PEX7: variants seen among roughly 807,000 people sequenced by gnomAD.
PEX7 encodes the protein peroxisomal biogenesis factor 7.
Under a neutral mutation model 47.5 loss-of-function variants are expected in PEX7, and 34 were observed. The observed-to-expected ratio is 0.72, with a 90% CI of 0.54 to 0.95. PEX7 has a LOEUF of 0.95. Among genes scored for constraint, PEX7 ranks in the 40% least tolerant of loss-of-function variants. The probability of loss-of-function intolerance (pLI) is 0.00; values close to 1 mark genes in which losing one functional copy is unlikely to be tolerated. For synonymous variants in PEX7, 141 were observed against 148.8 expected (o/e 0.95, Z 0.38); for missense variants, 394 against 400.3 (o/e 0.98, Z 0.13).
intron 5 of PEX7, among the ~76,000 whole-genome samples, chr6:136,851,988 A>G (rs1166209454): frequency 1.1e-5 from 1 of 94,668 alleles, no homozygotes; most frequent in Non-Finnish European, 2.1e-5. Context: ...TTTGCTGTGC[A>G]GAAGCTCTTG....
chr6:136,853,157 C>T (rs894399553), intron 5 of PEX7, among the ~76,000 whole-genome samples: 25 of 152,194 alleles, frequency 1.6e-4, no homozygotes, highest in South Asian at 2.1e-4. Flanking sequence ...GATGCAGCTA[C>T]GCCCGTTTAT....
At chr6:136,843,265 A>C (rs1379224259) in intron 3 of PEX7, among the ~76,000 whole-genome samples, 1 of 152,236 alleles carries the variant, frequency 6.6e-6, no homozygotes, top group Non-Finnish European at 1.5e-5. Context: ...TGAAGATTAA[A>C]TGAAATAAAA....
At chr6:136,857,560 A>G (rs1331336071) in intron 5 of PEX7, among the ~76,000 whole-genome samples, 8 of 152,184 alleles carry the variant, frequency 5.3e-5, no homozygotes, top group Non-Finnish European at 1.2e-4. Context: ...GAAGACTGTG[A>G]AGTTCTTTAA....
intron 5 of PEX7, among the ~76,000 whole-genome samples, chr6:136,856,205 C>T (rs1000875322): frequency 6.6e-6 from 1 of 151,258 alleles, no homozygotes; most frequent in African/African-American, 2.4e-5. Flanking sequence ...GTAGAAGACC[C>T]CTGTTTCATT....
In PEX7 at chr6:136,898,213, T is replaced by A. The variant is rs1805137; in HGVS notation, c.875T>A (p.Leu292Ter). ...VEHHTEFTCG[L>*]DFSLQSPTQV... ...CATCATACAGAGTTTACTTGTGGTT[T>A]AGACTTCAGTCTTCAGAGCCCCACT... The change falls in exon 9 of 10, where the codon TTA (leucine) becomes TAA (stop). Residue 292 changes from leucine to a stop codon, truncating the protein, a stop_gained. Transcript: ENST00000318471. LOFTEE classifies it high-confidence loss of function. 1,100 of 1,609,616 alleles carry A rather than the reference T, an allele frequency of 6.8e-4. No individual in the cohort carries two copies. The highest frequency in any genetic ancestry group is 8.9e-4 in the Non-Finnish European group (1,045 of 1,176,024).
Position 136,825,204 on chromosome 6 carries a change from T to C in PEX7, c.131-10T>C, listed in dbSNP as rs2115129012. ...TTCAAAGGGATGACCTTGATTTTTT[T>C]TCTCTTTAGGCTGTGGAACCCTACT... On this transcript the variant is annotated splice_polypyrimidine_tract_variant and intron_variant, in intron 1 of 9. Coordinates refer to ENST00000318471, the MANE Select transcript of PEX7 (RefSeq NM_000288.4). 3 of 1,613,170 alleles carry C rather than the reference T, an allele frequency of 1.9e-6. No homozygotes were observed. Among genetic ancestry groups the C allele is most frequent in the Non-Finnish European group, 2.5e-6 (3 of 1,179,128 alleles).
chr6:136,854,207 T>C (rs1774815033), intron 5 of PEX7, among the ~76,000 whole-genome samples: 2 of 152,148 alleles, frequency 1.3e-5, no homozygotes, highest in South Asian at 4.1e-4. Flanking sequence ...GTTTTTATTA[T>C]TATTATTGAG....
At chr6:136,867,737 A>G (rs980137351) in intron 6 of PEX7, among the ~76,000 whole-genome samples, 7 of 151,962 alleles carry the variant, frequency 4.6e-5, no homozygotes, top group Non-Finnish European at 1.0e-4. Context: ...AGATCACGCC[A>G]CTGCACTCCA....
At chr6:136,846,788 G>A (rs923882531) in intron 5 of PEX7, among the ~76,000 whole-genome samples, 1 of 152,254 alleles carries the variant, frequency 6.6e-6, no homozygotes, top group African/African-American at 2.4e-5. Context: ...ATTGTGCATA[G>A]CGCCGCAGTA....
At chr6:136,823,767 G>A (rs1276328452) in intron 1 of PEX7, among the ~76,000 whole-genome samples, 1 of 152,182 alleles carries the variant, frequency 6.6e-6, no homozygotes, top group African/African-American at 2.4e-5. Flanking sequence ...GCGCATGCCT[G>A]TAATCCCAGC....
At chr6:136,861,564 G>A (rs1774963896) in intron 5 of PEX7, among the ~76,000 whole-genome samples, 2 of 151,908 alleles carry the variant, frequency 1.3e-5, no homozygotes, top group Admixed American at 6.6e-5. Flanking sequence ...TGGAAACCTC[G>A]AGCTTAATTA....
intron 6 of PEX7, among the ~76,000 whole-genome samples, chr6:136,867,809 A>T (rs1398428609): frequency 2.0e-5 from 3 of 151,750 alleles, no homozygotes; most frequent in Admixed American, 6.6e-5. Flanking sequence ...AAAAAACTTT[A>T]AAAAAAATTA....
Position 136,845,828 on chromosome 6 carries a change from AAC to A in PEX7, c.417+139_417+140del, listed in dbSNP as rs1691967333. 3 of 717,426 alleles carry A rather than the reference AAC, an allele frequency of 4.2e-6. No homozygotes were observed. The African/African-American group carries it at 5.4e-5, about 13-fold the overall frequency. The allele number at this position is 717,426 out of a possible 1,614,324, so 44.4% of individuals were successfully genotyped here. On this transcript the variant is annotated intron_variant, in intron 4 of 9. Transcript: ENST00000318471. ...AGCTTTCTTTTAAAAAAAAAATTAAAACACTTATTAGAACTTAAAATTTTCTA... is the reference window on the plus strand; with the variant it reads ...AGCTTTCTTTTAAAAAAAAAATTAAAACTTATTAGAACTTAAAATTTTCTA...
At position 136,842,888 on chromosome 6, in the gene PEX7, A is replaced by G. The variant is rs561005377; in HGVS notation, c.340-2727A>G. Among the ~76,000 whole-genome samples, 12 of 152,304 alleles carry G rather than the reference A, an allele frequency of 7.9e-5. No individual in the cohort carries two copies. The South Asian group carries it at 2.1e-3, about 26-fold the overall frequency. ...GGAGGCTTATTTCGTAAGGGATGTA[A>G]TGGGGCACGTCTTGATGGATAAATG... On this transcript the variant is annotated intron_variant, in intron 3 of 9. Transcript: ENST00000318471.
At chr6:136,880,859 G>A (rs1314115613) in intron 8 of PEX7, among the ~76,000 whole-genome samples, 4 of 152,194 alleles carry the variant, frequency 2.6e-5, no homozygotes, top group Non-Finnish European at 5.9e-5. Flanking sequence ...TTCAATACAA[G>A]CGGGCAGACA....
At chr6:136,839,699 G>A (rs776107185) in intron 3 of PEX7, among the ~76,000 whole-genome samples, 20 of 152,214 alleles carry the variant, frequency 1.3e-4, no homozygotes, top group Non-Finnish European at 2.2e-4. Context: ...GGAAGAGATG[G>A]AAGAGGAGAC....
Position 136,822,884 on chromosome 6 carries a change from C to T in PEX7, c.130+89C>T, listed in dbSNP as rs924234688. The T allele has an allele frequency of 2.5e-5, 31 of 1,223,774 alleles. No homozygotes were observed. The South Asian group carries it at 5.5e-4, about 22-fold the overall frequency. The allele number at this position is 1,223,774 out of a possible 1,614,324, so 75.8% of individuals were successfully genotyped here. A position where few individuals can be genotyped will look rare whatever the true frequency, so the allele number is the denominator to read the frequency against. On this transcript the variant is annotated intron_variant, in intron 1 of 9. Transcript: ENST00000318471. ...CAGTTCCTCGCGCTCGAGGGAAAGC[C>T]CCTCTGAGCGTAGACGGTTCCGCGG...
At chr6:136,898,068 T>A in intron 8 of PEX7, 74 bp from the exon 9 acceptor site, 3 of 877,264 alleles carry the variant, frequency 3.4e-6, no homozygotes, top group Non-Finnish European at 3.8e-6. Flanking sequence ...CTATGTCAAA[T>A]ATCTATTTTT....
At chr6:136,840,105 G>A (rs774291399) in intron 3 of PEX7, among the ~76,000 whole-genome samples, 1 of 152,158 alleles carries the variant, frequency 6.6e-6, no homozygotes. Flanking sequence ...AGCTGTCAGC[G>A]TTTTGGCCAT....
Sources: gnomAD v4.1 joint callset for allele counts (sites outside exome capture counted in the v4.1 genomes callset) on GRCh38, gnomAD v4.1.1 for gene constraint, MANE v1.5 for transcripts, NCBI Gene and HGNC (gene_info 2026-07-23, HGNC 2026-07-21) for gene names.